The following MBNL2 variants were observed in gnomAD, a reference collection of about 807,000 sequenced individuals.
MBNL2 encodes muscleblind like splicing regulator 2.
Under a neutral mutation model 41.9 loss-of-function variants are expected in MBNL2, and 17 were observed. That is an observed-to-expected ratio of 0.41 (90% CI 0.28 to 0.61). The LOEUF is 0.61. MBNL2 is among the 20% of genes least tolerant of loss of function. The probability of loss-of-function intolerance (pLI) is 0.35; values close to 1 mark genes in which losing one functional copy is unlikely to be tolerated. For synonymous variants in MBNL2, 195 were observed against 182.9 expected (o/e 1.07, Z -0.53); for missense variants, 336 against 505.6 (o/e 0.66, Z 3.22).
At chr13:97,150,142 G>A in the MBNL2 span, among the ~76,000 whole-genome samples, 1 of 152,322 alleles carries the variant, frequency 6.6e-6, no homozygotes, top group East Asian at 1.9e-4. Flanking sequence ...CACTGCTGGT[G>A]GGTGCACAGA....
chr13:97,158,003 C>T, the MBNL2 span, among the ~76,000 whole-genome samples: 17 of 148,320 alleles, frequency 1.1e-4, no homozygotes, highest in Middle Eastern at 3.6e-3. Context: ...TGGTAGAATT[C>T]GGCTGTGAAT....
At chr13:97,281,287 G>A (rs1043971407) in intron 2 of MBNL2, among the ~76,000 whole-genome samples, 2 of 152,104 alleles carry the variant, frequency 1.3e-5, no homozygotes, top group Admixed American at 6.5e-5. Flanking sequence ...GTTGTGCAGT[G>A]GACAACCTGT....
intron 2 of MBNL2, among the ~76,000 whole-genome samples, chr13:97,285,918 C>A (rs373869724): frequency 6.6e-6 from 1 of 152,190 alleles, no homozygotes; most frequent in African/African-American, 2.4e-5. Flanking sequence ...TCTCTCCAGA[C>A]TTAGTCCTTG....
chr13:97,269,478 C>T (rs2050492423), intron 1 of MBNL2, among the ~76,000 whole-genome samples: 1 of 152,294 alleles, frequency 6.6e-6, no homozygotes, highest in African/African-American at 2.4e-5. Flanking sequence ...TGAAATGCCA[C>T]CCCTTCCTCC....
the MBNL2 span, among the ~76,000 whole-genome samples, chr13:97,167,815 T>G: frequency 6.6e-5 from 10 of 152,234 alleles, no homozygotes; most frequent in Admixed American, 2.6e-4. Context: ...GTACATTTCA[T>G]TCTGTCTCAG....
chr13:97,273,304 C>G (rs2152922772), intron 1 of MBNL2, among the ~76,000 whole-genome samples: 1 of 152,306 alleles, frequency 6.6e-6, no homozygotes, highest in South Asian at 2.1e-4. Context: ...TGTCCTTGTC[C>G]TTTGCTTTCC....
At chr13:97,262,697 C>T (rs143921184) in intron 1 of MBNL2, among the ~76,000 whole-genome samples, 6 of 152,262 alleles carry the variant, frequency 3.9e-5, no homozygotes, top group African/African-American at 1.2e-4. Flanking sequence ...TCTGCTTTCT[C>T]CTGGGCAGAG....
chr13:97,192,648 G>A, the MBNL2 span, among the ~76,000 whole-genome samples: 1 of 152,186 alleles, frequency 6.6e-6, no homozygotes, highest in South Asian at 2.1e-4. Context: ...CTGAGAAAAG[G>A]CTGAAAAGAG....
At chr13:97,272,992 A>G (rs960244325) in intron 1 of MBNL2, among the ~76,000 whole-genome samples, 8 of 152,250 alleles carry the variant, frequency 5.3e-5, no homozygotes, top group African/African-American at 1.9e-4. Context: ...ATAAGTATGA[A>G]TAAAAATGTA....
At chr13:97,305,293 A>G (rs535095617) in intron 2 of MBNL2, among the ~76,000 whole-genome samples, 3 of 152,348 alleles carry the variant, frequency 2.0e-5, no homozygotes, top group South Asian at 2.1e-4. Flanking sequence ...AGAAATTGCT[A>G]TAACAGGAGA....
At chr13:97,201,767 T>C in the MBNL2 span, among the ~76,000 whole-genome samples, 2 of 152,214 alleles carry the variant, frequency 1.3e-5, no homozygotes, top group Non-Finnish European at 2.9e-5. Flanking sequence ...GTGATATGCT[T>C]AATCACAGCA....
chr13:97,173,134 C>G, the MBNL2 span, among the ~76,000 whole-genome samples: 1 of 152,122 alleles, frequency 6.6e-6, no homozygotes, highest in Non-Finnish European at 1.5e-5. Flanking sequence ...AATAATATAA[C>G]GATGAATGGA....
intron 1 of MBNL2, among the ~76,000 whole-genome samples, chr13:97,259,220 G>A (rs2048132830): frequency 6.6e-6 from 1 of 152,078 alleles, no homozygotes; most frequent in African/African-American, 2.4e-5. Flanking sequence ...ATGAAGACTG[G>A]GCTTGGGTGT....
the MBNL2 span, among the ~76,000 whole-genome samples, chr13:97,178,878 CAGAGAA>C: frequency 6.6e-6 from 1 of 152,080 alleles, no homozygotes; most frequent in Non-Finnish European, 1.5e-5. Flanking sequence ...GCCTGGGTGA[CAGAGAA>C]AGACCTTGTC....
chr13:97,162,959 T>A, the MBNL2 span, among the ~76,000 whole-genome samples: 2 of 152,056 alleles, frequency 1.3e-5, no homozygotes, highest in African/African-American at 2.4e-5. Flanking sequence ...AGGAACCAGA[T>A]TCTGAGGTTC....
rs750776169 is a variant in MBNL2, at chr13:97,357,648, A to C, written c.1012+13A>C. On this transcript the variant is annotated intron_variant, in intron 7 of 8. Coordinates refer to ENST00000679496, the MANE Select transcript of MBNL2 (RefSeq NM_001382683.1). ...TTCATTCCAACAGGTATGTGCCCTT[A>C]CTGCCCTACGTCCTGTGCCCTTCTG... 3.1e-6 allele frequency: 5 copies of C among 1,612,768 alleles called. No individual in the cohort carries two copies. Among genetic ancestry groups the C allele is most frequent in the Non-Finnish European group, 4.2e-6 (5 of 1,179,474 alleles).
At chr13:97,215,257 C>T in the MBNL2 span, among the ~76,000 whole-genome samples, 6 of 152,318 alleles carry the variant, frequency 3.9e-5, no homozygotes, top group East Asian at 1.2e-3. Flanking sequence ...ACTATTGGGA[C>T]TTTTGCCTTA....
At chr13:97,329,936 C>A (rs1397305923) in intron 2 of MBNL2, among the ~76,000 whole-genome samples, 1 of 152,110 alleles carries the variant, frequency 6.6e-6, no homozygotes, top group African/African-American at 2.4e-5. Flanking sequence ...CTCCTCTGAC[C>A]CCTGGTCTCA....
At chr13:97,363,810 G>T (rs2063624567) in intron 7 of MBNL2, among the ~76,000 whole-genome samples, 1 of 152,028 alleles carries the variant, frequency 6.6e-6, no homozygotes, top group African/African-American at 2.4e-5. Context: ...CAGTTAAATA[G>T]CCCCCTCCTG....
Sources: gnomAD v4.1 joint callset for allele counts (sites outside exome capture counted in the v4.1 genomes callset) on GRCh38, gnomAD v4.1.1 for gene constraint, MANE v1.5 for transcripts, NCBI Gene and HGNC (gene_info 2026-07-23, HGNC 2026-07-21) for gene names.